The following PRTG variants were observed in gnomAD, a reference collection of about 807,000 sequenced individuals.
The protein encoded by PRTG is protogenin.
Under a neutral mutation model 122.5 loss-of-function variants are expected in PRTG, and 67 were observed. The ratio of observed to expected loss-of-function variants is 0.55; its 90% CI spans 0.45 to 0.67. The LOEUF is 0.67. Ranked by LOEUF, PRTG falls within the 30% of genes least tolerant of loss-of-function variation. The probability of loss-of-function intolerance (pLI) is 0.00; values close to 1 mark genes in which losing one functional copy is unlikely to be tolerated. For missense variants in PRTG, 1,435 were observed against 1,415.4 expected (o/e 1.01, Z -0.22); for synonymous variants, 554 against 501.1 (o/e 1.11, Z -1.41).
intron 11 of PRTG, among the ~76,000 whole-genome samples, chr15:55,646,327 C>CTT (rs368603650): frequency 1.3e-4 from 16 of 127,678 alleles, no homozygotes; most frequent in South Asian, 2.4e-4. Context: ...CCTCAATTCT[C>CTT]TTTTTTTTTT....
At chr15:55,622,656 G>A (rs371338109) in intron 18 of PRTG, among the ~76,000 whole-genome samples, 9 of 151,798 alleles carry the variant, frequency 5.9e-5, no homozygotes, top group African/African-American at 1.9e-4. Flanking sequence ...CTCCCAAAGC[G>A]CTGGGATTAC....
chr15:55,723,752 C>CTTTTT (rs769469226), intron 2 of PRTG, among the ~76,000 whole-genome samples: 1 of 127,100 alleles, frequency 7.9e-6, no homozygotes, highest in Non-Finnish European at 1.6e-5. Flanking sequence ...TTTCTTTTTT[C>CTTTTT]TTTTTTTTTT....
chr15:55,717,888 T>C (rs1595673848), intron 2 of PRTG, among the ~76,000 whole-genome samples: 1 of 152,024 alleles, frequency 6.6e-6, no homozygotes, highest in Admixed American at 6.6e-5. Flanking sequence ...ACAAAGCCTG[T>C]TTGGTGGTCT....
chr15:55,640,649 T>A (rs1340127805), intron 12 of PRTG, among the ~76,000 whole-genome samples: 2 of 152,224 alleles, frequency 1.3e-5, no homozygotes, highest in African/African-American at 4.8e-5. Flanking sequence ...GTCTTTTGTA[T>A]GCAAAATGAA....
intron 11 of PRTG, among the ~76,000 whole-genome samples, chr15:55,666,787 GCAGTTTTCC>G (rs932318214): frequency 4.6e-5 from 7 of 152,126 alleles, no homozygotes; most frequent in African/African-American, 1.7e-4. Context: ...AACTTATAAT[GCAGTTTTCC>G]CAGGCACTAT....
chr15:55,726,148 G>A (rs2031023500), intron 2 of PRTG, among the ~76,000 whole-genome samples: 1 of 152,062 alleles, frequency 6.6e-6, no homozygotes, highest in Non-Finnish European at 1.5e-5. Flanking sequence ...TCACCATGTG[G>A]GCCAAGATTG....
At chr15:55,644,067 A>G (rs1165187109) in intron 11 of PRTG, among the ~76,000 whole-genome samples, 1 of 151,732 alleles carries the variant, frequency 6.6e-6, no homozygotes, top group Non-Finnish European at 1.5e-5. Context: ...TTGAACTCCT[A>G]GCCTCAAGCA....
At chr15:55,740,900 T>C (rs1232710058) in intron 1 of PRTG, among the ~76,000 whole-genome samples, 5 of 152,234 alleles carry the variant, frequency 3.3e-5, no homozygotes, top group East Asian at 1.9e-4. Context: ...ACTAAAAGCA[T>C]AGGGAAGATT....
At chr15:55,663,110 C>T (rs888429792) in intron 11 of PRTG, among the ~76,000 whole-genome samples, 1 of 152,174 alleles carries the variant, frequency 6.6e-6, no homozygotes, top group Non-Finnish European at 1.5e-5. Context: ...CTAATTTCTT[C>T]CTCTCCTTAA....
intron 2 of PRTG, among the ~76,000 whole-genome samples, chr15:55,737,030 C>A (rs888191294): frequency 6.6e-6 from 1 of 152,144 alleles, no homozygotes; most frequent in Non-Finnish European, 1.5e-5. Flanking sequence ...CCTATTTCAA[C>A]ATTAAGAATA....
In PRTG at chr15:55,734,206, G is replaced by C. The variant is rs565106784; in HGVS notation, c.397+6176C>G. On this transcript the variant is annotated intron_variant, in intron 2 of 19. Coordinates refer to ENST00000389286, the MANE Select transcript of PRTG (RefSeq NM_173814.6). ...CTGAGATACCTAACTACCACAGGCA[G>C]AAATATCCTTTTTCTTTTTGGTAAA... Among the ~76,000 whole-genome samples, 28 of 152,274 alleles carry C rather than the reference G, an allele frequency of 1.8e-4. 1 individual carries two copies. Among genetic ancestry groups the C allele is most frequent in the Middle Eastern group, 3.4e-3 (1 of 294 alleles).
At chr15:55,659,215 T>G (rs375371281) in intron 11 of PRTG, among the ~76,000 whole-genome samples, 4 of 152,248 alleles carry the variant, frequency 2.6e-5, no homozygotes, top group Non-Finnish European at 5.9e-5. Context: ...TAGGAAAATA[T>G]GTACAGTTTC....
At chr15:55,721,143 C>G (rs2030808335) in intron 2 of PRTG, among the ~76,000 whole-genome samples, 1 of 152,216 alleles carries the variant, frequency 6.6e-6, no homozygotes, top group African/African-American at 2.4e-5. Flanking sequence ...TTCCCCACAT[C>G]TAACAAGTAC....
intron 2 of PRTG, among the ~76,000 whole-genome samples, chr15:55,698,146 T>G (rs997781302): frequency 1.3e-5 from 2 of 152,190 alleles, no homozygotes; most frequent in African/African-American, 2.4e-5. Context: ...CCCATTCTTT[T>G]GCATCACTCT....
In PRTG at chr15:55,682,077, A is replaced by G. The variant is rs1319611148; in HGVS notation, c.676+287T>C. 2.0e-5 allele frequency among the ~76,000 whole-genome samples: 3 copies of G among 152,236 alleles called. 1 individual carries two copies. Among genetic ancestry groups the G allele is most frequent in the South Asian group, 4.1e-4 (2 of 4,830 alleles). On this transcript the variant is annotated intron_variant, in intron 4 of 19. Transcript: ENST00000389286. ...GAATGAAAATAACATGCCATTTTCT[A>G]TGAGAGACCTGAGCATCAGTGAATT...
intron 11 of PRTG, among the ~76,000 whole-genome samples, chr15:55,667,932 C>G (rs2059447933): frequency 6.6e-6 from 1 of 151,926 alleles, no homozygotes; most frequent in East Asian, 1.9e-4. Flanking sequence ...CCAAAAATAC[C>G]AAAAATTAGC....
intron 2 of PRTG, among the ~76,000 whole-genome samples, chr15:55,720,970 T>A (rs2030799164): frequency 6.6e-6 from 1 of 152,040 alleles, no homozygotes; most frequent in African/African-American, 2.4e-5. Context: ...CACCTAGACA[T>A]CCCACAGTCA....
intron 11 of PRTG, among the ~76,000 whole-genome samples, chr15:55,672,135 G>C (rs931115541): frequency 6.6e-6 from 1 of 151,952 alleles, no homozygotes; most frequent in African/African-American, 2.4e-5. Flanking sequence ...TTCTACATCC[G>C]CCACACACTC....
Position 55,665,706 on chromosome 15 carries a change from C to T in PRTG, c.2041+6739G>A, listed in dbSNP as rs143313506. On this transcript the variant is annotated intron_variant, in intron 11 of 19. Transcript: ENST00000389286. ...GATTACAGGCATGCACCACCACCCC[C>T]GGCTAATTTTTGTATTTTTAGTAGA... 1.3e-4 allele frequency among the ~76,000 whole-genome samples: 19 copies of T among 151,874 alleles called. No homozygotes were observed. The East Asian group carries it at 1.9e-3, about 16-fold the overall frequency.
Sources: gnomAD v4.1 joint callset for allele counts (sites outside exome capture counted in the v4.1 genomes callset) on GRCh38, gnomAD v4.1.1 for gene constraint, MANE v1.5 for transcripts, NCBI Gene and HGNC (gene_info 2026-07-23, HGNC 2026-07-21) for gene names.